Variants in NXN observed in about 807,000 individuals in gnomAD.
NXN encodes nucleoredoxin 1.
NXN carries 16 observed loss-of-function variants against 48.6 expected under a neutral mutation model. That is an observed-to-expected ratio of 0.33 (90% CI 0.22 to 0.50). The LOEUF is 0.50. Among genes scored for constraint, NXN ranks in the 20% least tolerant of loss-of-function variants. NXN has a pLI of 0.98. For synonymous variants in NXN, 281 were observed against 269.6 expected (o/e 1.04, Z -0.41); for missense variants, 492 against 605.5 (o/e 0.81, Z 1.97).
At chr17:843,387 A>T (rs554808751) in intron 1 of NXN, among the ~76,000 whole-genome samples, 2 of 152,362 alleles carry the variant, frequency 1.3e-5, no homozygotes, top group East Asian at 3.9e-4. Flanking sequence ...TATGGCTGCC[A>T]GGCTCTTTCT....
At chr17:915,053 G>A (rs1390601281) in intron 1 of NXN, among the ~76,000 whole-genome samples, 2 of 151,438 alleles carry the variant, frequency 1.3e-5, no homozygotes, top group African/African-American at 4.9e-5. Flanking sequence ...TCCTGCCTCA[G>A]CCTCCCAAAT....
At chr17:975,794 C>T (rs1469322206) in intron 1 of NXN, among the ~76,000 whole-genome samples, 2 of 152,310 alleles carry the variant, frequency 1.3e-5, no homozygotes, top group African/African-American at 2.4e-5. Flanking sequence ...ATCCCGGAGA[C>T]GGACCTCTCC....
intron 1 of NXN, among the ~76,000 whole-genome samples, chr17:977,101 AT>A (rs1325523428): frequency 6.6e-6 from 1 of 152,104 alleles, no homozygotes. Flanking sequence ...AGCTTTTGTA[AT>A]TTCCAAGAGT....
chr17:919,067 T>TA lies in NXN; in HGVS notation c.360+60251dup, dbSNP rs552669068. 0.022 allele frequency among the ~76,000 whole-genome samples: 3,245 copies of TA among 145,092 alleles called. 131 individuals are homozygous for TA. Among genetic ancestry groups the TA allele is most frequent in the African/African-American group, 0.076 (3,021 of 39,726 alleles). On this transcript the variant is annotated intron_variant, in intron 1 of 7. Coordinates refer to ENST00000336868, the MANE Select transcript of NXN (RefSeq NM_022463.5). This position sits in a 1 kb window ranked among gnomAD's most constrained non-coding sequence, Gnocchi z 5.1. Reference sequence around the variant, plus strand: ...GCAACAGAGTAAGACCCTATTGCTTTAAAAAAAAAAAATGTTTCAGCCAGG... The same window carrying TA: ...GCAACAGAGTAAGACCCTATTGCTTTAAAAAAAAAAAAATGTTTCAGCCAGG...
At chr17:916,597 C>T (rs1373841964) in intron 1 of NXN, among the ~76,000 whole-genome samples, 2 of 152,182 alleles carry the variant, frequency 1.3e-5, no homozygotes, top group African/African-American at 4.8e-5. Flanking sequence ...GTTTGGGGAT[C>T]CCAGGGATCC....
chr17:804,287 T>C (rs2144565008), intron 6 of NXN, among the ~76,000 whole-genome samples: 1 of 145,738 alleles, frequency 6.9e-6, no homozygotes, highest in East Asian at 2.0e-4. Flanking sequence ...TTTTTTTTTT[T>C]TTTTTTTTTT....
Position 917,216 on chromosome 17 carries a change from G to A in NXN, c.360+62103C>T, listed in dbSNP as rs998293792. ...GAGTGCAATGGCGCGACCTCGGCTC[G>A]CCGTGGCCTCCGCCTCGCGGGTTCA... On this transcript the variant is annotated intron_variant, in intron 1 of 7. Transcript: ENST00000336868. This position sits in a 1 kb window ranked among gnomAD's most constrained non-coding sequence, Gnocchi z 4.5. Among the ~76,000 whole-genome samples, 43 of 150,862 alleles carry A rather than the reference G, an allele frequency of 2.9e-4. No individual in the cohort carries two copies. Among genetic ancestry groups the A allele is most frequent in the African/African-American group, 8.5e-4 (35 of 40,958 alleles).
chr17:911,922 G>A (rs780260367), intron 1 of NXN, among the ~76,000 whole-genome samples: 3 of 150,414 alleles, frequency 2.0e-5, no homozygotes, highest in Non-Finnish European at 4.4e-5. Context: ...ACTTCCAGAC[G>A]ATATTCATGC....
At chr17:827,050 G>A (rs1250363699) in intron 1 of NXN, among the ~76,000 whole-genome samples, 1 of 152,220 alleles carries the variant, frequency 6.6e-6, no homozygotes, top group African/African-American at 2.4e-5. Context: ...AGCCCAAAAA[G>A]CCACATAATT....
At chr17:806,101 A>C (rs1911486732) in intron 5 of NXN, among the ~76,000 whole-genome samples, 1 of 140,386 alleles carries the variant, frequency 7.1e-6, no homozygotes, top group South Asian at 2.3e-4. Flanking sequence ...AGAGGAGGAC[A>C]GCTGACTGCA....
intron 1 of NXN, among the ~76,000 whole-genome samples, chr17:861,892 T>C (rs61507134): frequency 0.17 from 26,137 of 151,846 alleles, 3,118 homozygotes; most frequent in African/African-American, 0.34. Flanking sequence ...TGCAGTGGCA[T>C]GATCTCAGCT....
intron 1 of NXN, among the ~76,000 whole-genome samples, chr17:969,005 C>T (rs1201331505): frequency 6.6e-6 from 1 of 151,626 alleles, no homozygotes; most frequent in African/African-American, 2.4e-5. Context: ...GAAGAGAAAC[C>T]AGGTTCTGTG....
At position 819,923 on chromosome 17, in the gene NXN, A is replaced by G. The variant is rs138015023; in HGVS notation, c.714-378T>C. Among the ~76,000 whole-genome samples, 571 of 152,322 alleles carry G rather than the reference A, an allele frequency of 3.7e-3. 1 individual carries two copies. Among genetic ancestry groups the G allele is most frequent in the Non-Finnish European group, 6.2e-3 (420 of 68,026 alleles). On this transcript the variant is annotated intron_variant, in intron 4 of 7. Transcript: ENST00000336868. ...ATTTGTGCACGGAACAGTGACTCATATGGGACCTCAAATTTAAACCAACCA... is the reference window on the plus strand; with the variant it reads ...ATTTGTGCACGGAACAGTGACTCATGTGGGACCTCAAATTTAAACCAACCA...
At chr17:851,124 G>A (rs73289798) in intron 1 of NXN, among the ~76,000 whole-genome samples, 1,601 of 152,346 alleles carry the variant, frequency 0.011, 24 homozygotes, top group African/African-American at 0.037. Context: ...TCAACGTTTA[G>A]CAGAACCGAA....
At chr17:859,947 C>T (rs1249593488) in intron 1 of NXN, among the ~76,000 whole-genome samples, 3 of 152,018 alleles carry the variant, frequency 2.0e-5, no homozygotes, top group Non-Finnish European at 4.4e-5. Context: ...CATCTCAGAC[C>T]CTTCCTTTGT....
chr17:904,758 G>A (rs1312690373), intron 1 of NXN, among the ~76,000 whole-genome samples: 1 of 152,146 alleles, frequency 6.6e-6, no homozygotes, highest in Non-Finnish European at 1.5e-5. Flanking sequence ...TGGCCAGGCT[G>A]GTCTCGATCT....
At chr17:807,460 G>A (rs115210868) in intron 5 of NXN, among the ~76,000 whole-genome samples, 5,178 of 152,296 alleles carry the variant, frequency 0.034, 160 homozygotes, top group African/African-American at 0.083. Context: ...CCCATTTCCC[G>A]GCTCAGCGCC....
intron 1 of NXN, among the ~76,000 whole-genome samples, chr17:921,613 C>G (rs958300358): frequency 1.3e-5 from 2 of 152,082 alleles, no homozygotes; most frequent in Admixed American, 6.6e-5. Flanking sequence ...TAGACAACAC[C>G]TGGCCGGCCC....
chr17:872,670 G>A (rs987218654), intron 1 of NXN, among the ~76,000 whole-genome samples: 1 of 142,840 alleles, frequency 7.0e-6, no homozygotes, highest in Non-Finnish European at 1.5e-5. Context: ...GCCCAGACTG[G>A]AGTGTGATGG....
Sources: allele counts gnomAD v4.1 joint callset (sites outside exome capture counted in the v4.1 genomes callset), GRCh38; gene constraint gnomAD v4.1.1; non-coding constraint Gnocchi (gnomAD v3.1); transcripts MANE v1.5; gene names NCBI Gene and HGNC (gene_info 2026-07-23, HGNC 2026-07-21).